Variants in SAMD12 observed in about 807,000 individuals in gnomAD.
The protein encoded by SAMD12 is sterile alpha motif domain containing 12.
Under a neutral mutation model 15.0 loss-of-function variants are expected in SAMD12, and 9 were observed. The observed-to-expected ratio is 0.60, with a 90% CI of 0.36 to 1.05. The LOEUF is 1.05. SAMD12 is among the 50% of genes least tolerant of loss of function. The pLI, the probability that SAMD12 is intolerant of heterozygous loss-of-function variation, is 0.01. For synonymous variants in SAMD12, 86 were observed against 90.1 expected (o/e 0.96, Z 0.25); for missense variants, 230 against 234.2 (o/e 0.98, Z 0.12).
At chr8:118,337,968 C>T (rs1342458975) in intron 4 of SAMD12, among the ~76,000 whole-genome samples, 1 of 152,188 alleles carries the variant, frequency 6.6e-6, no homozygotes, top group African/African-American at 2.4e-5. Context: ...GCATACTATA[C>T]ATAGGATGCC....
chr8:118,364,222 T>A (rs1818651031), intron 4 of SAMD12, among the ~76,000 whole-genome samples: 1 of 152,220 alleles, frequency 6.6e-6, no homozygotes, highest in Non-Finnish European at 1.5e-5. Context: ...CTGTGTAAAG[T>A]AACTTGTTTA....
intron 4 of SAMD12, among the ~76,000 whole-genome samples, chr8:118,244,557 A>G (rs1006398058): frequency 6.6e-6 from 1 of 152,048 alleles, no homozygotes; most frequent in Non-Finnish European, 1.5e-5. Context: ...TTTTTTTCAC[A>G]AGGAATAAAA....
rs1310149332 is a variant in SAMD12 at position 118,379,316 on chromosome 8, C to A, written c.*101G>T. On this transcript the variant is annotated 3_prime_UTR_variant, in exon 4 of 4. Transcript: ENST00000314727. ...CAATCCATACAACTGTACGTGACCA[C>A]CTTGAAGTTAGCTCAGGTAATTCTG... The A allele has an allele frequency of 1.3e-6, 2 of 1,496,140 alleles. No homozygotes were observed. The highest frequency in any genetic ancestry group is 2.8e-5 in the African/African-American group (2 of 72,144). 92.7% of individuals were successfully genotyped at this position (1,496,140 alleles called of 1,614,324 possible).
intron 2 of SAMD12, among the ~76,000 whole-genome samples, chr8:118,461,253 A>G (rs542973371): frequency 3.3e-5 from 5 of 152,336 alleles, no homozygotes; most frequent in African/African-American, 1.2e-4. Context: ...CATACTTCGC[A>G]TGGTCTGCCA....
intron 2 of SAMD12, among the ~76,000 whole-genome samples, chr8:118,491,699 G>A (rs922865459): frequency 5.3e-5 from 8 of 152,088 alleles, no homozygotes; most frequent in African/African-American, 1.4e-4. Context: ...GAATCATGCA[G>A]TAAACATGTG....
chr8:118,202,156 C>T (rs931315249), intron 4 of SAMD12, among the ~76,000 whole-genome samples: 2 of 103,838 alleles, frequency 1.9e-5, no homozygotes, highest in African/African-American at 3.1e-5. Context: ...AAGCATTTTG[C>T]GTGGTGTTTA....
At chr8:118,554,832 A>G (rs117988183) in intron 2 of SAMD12, among the ~76,000 whole-genome samples, 3,105 of 152,338 alleles carry the variant, frequency 0.02, 48 homozygotes, top group Non-Finnish European at 0.027. Context: ...AGACTGCAAC[A>G]TAGAAATCCT....
intron 2 of SAMD12, among the ~76,000 whole-genome samples, chr8:118,547,155 G>A (rs541534655): frequency 5.3e-5 from 8 of 152,296 alleles, no homozygotes; most frequent in African/African-American, 1.9e-4. Context: ...GTGCGAGCTT[G>A]CCACTCGTGA....
chr8:118,246,973 T>G (rs975548778), intron 4 of SAMD12, among the ~76,000 whole-genome samples: 3 of 151,948 alleles, frequency 2.0e-5, no homozygotes, highest in African/African-American at 7.2e-5. Flanking sequence ...TTTCCCTCAG[T>G]AGGTGAAAAG....
chr8:118,437,366 C>A (rs915522195), intron 3 of SAMD12, among the ~76,000 whole-genome samples: 82 of 152,284 alleles, frequency 5.4e-4, no homozygotes, highest in African/African-American at 1.9e-3. Flanking sequence ...TTCCCTAAGT[C>A]CCCAAGTAAT....
intron 4 of SAMD12, among the ~76,000 whole-genome samples, chr8:118,369,860 G>A (rs1194019155): frequency 1.3e-5 from 2 of 152,036 alleles, no homozygotes; most frequent in African/African-American, 4.8e-5. Flanking sequence ...CATAGGCATG[G>A]GCAAAGATTT....
intron 4 of SAMD12, among the ~76,000 whole-genome samples, chr8:118,271,384 A>G (rs1331359088): frequency 6.6e-6 from 1 of 152,154 alleles, no homozygotes; most frequent in Non-Finnish European, 1.5e-5. Flanking sequence ...CTCCCATGAC[A>G]TGCAGGGATT....
intron 4 of SAMD12, among the ~76,000 whole-genome samples, chr8:118,294,289 G>A (rs1157094425): frequency 6.6e-6 from 1 of 152,218 alleles, no homozygotes; most frequent in African/African-American, 2.4e-5. Flanking sequence ...ACTGGAGCCT[G>A]ACTGTACATC....
intron 4 of SAMD12, among the ~76,000 whole-genome samples, chr8:118,278,811 G>T (rs1023233018): frequency 1.3e-5 from 2 of 152,132 alleles, no homozygotes; most frequent in South Asian, 4.1e-4. Flanking sequence ...AGACGAATAT[G>T]GCAGTACAAA....
chr8:118,298,423 A>AT (rs997785652), intron 4 of SAMD12, among the ~76,000 whole-genome samples: 3 of 152,094 alleles, frequency 2.0e-5, no homozygotes, highest in South Asian at 2.1e-4. Flanking sequence ...ATATTTAAGA[A>AT]TTTTTTTTAA....
intron 2 of SAMD12, among the ~76,000 whole-genome samples, chr8:118,454,166 C>A (rs1317788785): frequency 2.0e-5 from 3 of 152,156 alleles, no homozygotes; most frequent in Non-Finnish European, 4.4e-5. Context: ...TCAGTCCCTG[C>A]ATGTCAGAAA....
intron 2 of SAMD12, among the ~76,000 whole-genome samples, chr8:118,463,033 G>C (rs1325263290): frequency 6.7e-6 from 1 of 150,184 alleles, no homozygotes; most frequent in East Asian, 2.0e-4. Context: ...CCCGGGAGGC[G>C]GAGCTTGCAG....
chr8:118,472,110 A>T (rs932045947), intron 2 of SAMD12, among the ~76,000 whole-genome samples: 1 of 151,890 alleles, frequency 6.6e-6, no homozygotes, highest in African/African-American at 2.4e-5. Flanking sequence ...ACACGGTGAA[A>T]CCCTGTCTCC....
At chr8:118,162,935 TG>T in the SAMD12 span, among the ~76,000 whole-genome samples, 1 of 152,078 alleles carries the variant, frequency 6.6e-6, no homozygotes, top group Non-Finnish European at 1.5e-5. Context: ...ATTAGTAATC[TG>T]GGTAAAAACA....
Sources: gnomAD v4.1 joint callset for allele counts (sites outside exome capture counted in the v4.1 genomes callset) on GRCh38, gnomAD v4.1.1 for gene constraint, MANE v1.5 for transcripts, NCBI Gene and HGNC (gene_info 2026-07-23, HGNC 2026-07-21) for gene names.